NEBL: variants seen among roughly 807,000 people sequenced by gnomAD.
NEBL encodes the protein LIM and SH3 protein 2.
NEBL carries 122 observed loss-of-function variants against 140.2 expected under a neutral mutation model. That is an observed-to-expected ratio of 0.87 (90% confidence interval 0.75 to 1.01). The LOEUF (loss-of-function observed/expected upper bound fraction) is 1.01, where lower values mean the gene tolerates loss of function less well. Ranked by LOEUF, NEBL falls within the 50% of genes least tolerant of loss-of-function variation. The pLI, the probability that NEBL is intolerant of heterozygous loss-of-function variation, is 0.00. For synonymous variants in NEBL, 436 were observed against 398.9 expected, an observed-to-expected ratio of 1.09 and a Z score of -1.11; for missense variants, 1,365 against 1,231.3, an observed-to-expected ratio of 1.11 and a Z score of -1.62.
intron 2 of NEBL, chr10:21,070,050 A>C (rs1480209424): frequency 4.4e-6 from 2 of 455,274 alleles, no homozygotes; most frequent in Non-Finnish European, 8.8e-6. Flanking sequence ...CTCCACACAA[A>C]GCCTCACACT....
At chr10:20,952,934 AAAAAGAAAAG>A (rs1162097594) in intron 4 of NEBL, among the ~76,000 whole-genome samples, 13 of 151,190 alleles carry the variant, frequency 8.6e-5, no homozygotes, top group African/African-American at 2.9e-4. Flanking sequence ...AAGAAAAAGA[AAAAAGAAAAG>A]AAAAGAAAAG....
At chr10:21,285,169 A>G (rs1408055928) in intron 1 of NEBL, among the ~76,000 whole-genome samples, 1 of 152,196 alleles carries the variant, frequency 6.6e-6, no homozygotes, top group Non-Finnish European at 1.5e-5. Context: ...CGAAGGACAG[A>G]TTCATGGTTA....
chr10:21,076,004 T>C (rs1436513947), intron 2 of NEBL, among the ~76,000 whole-genome samples: 2 of 152,036 alleles, frequency 1.3e-5, no homozygotes, highest in African/African-American at 4.8e-5. Flanking sequence ...CACATTACGA[T>C]GGTCATGATT....
intron 7 of NEBL, among the ~76,000 whole-genome samples, chr10:20,863,697 T>C (rs957671525): frequency 6.6e-6 from 1 of 151,376 alleles, no homozygotes; most frequent in South Asian, 2.1e-4. Context: ...TAATCTGTTT[T>C]CCCATAATAG....
chr10:21,194,837 A>G (rs1329741066), intron 3 of NEBL, among the ~76,000 whole-genome samples: 1 of 151,918 alleles, frequency 6.6e-6, no homozygotes, highest in Non-Finnish European at 1.5e-5. Flanking sequence ...TGCCGCAAAA[A>G]AATACTAATA....
intron 3 of NEBL, among the ~76,000 whole-genome samples, chr10:21,229,258 T>G (rs1842212026): frequency 6.6e-6 from 1 of 152,076 alleles, no homozygotes; most frequent in Non-Finnish European, 1.5e-5. Flanking sequence ...CTACCTCTAC[T>G]AAAAATATAA....
At chr10:21,157,378 T>A (rs553687646) in intron 2 of NEBL, among the ~76,000 whole-genome samples, 11 of 152,130 alleles carry the variant, frequency 7.2e-5, no homozygotes, top group Non-Finnish European at 1.5e-4. Flanking sequence ...AAGACCAGCC[T>A]GGGCAACATG....
chr10:20,922,862 A>G (rs1833660236), intron 4 of NEBL, among the ~76,000 whole-genome samples: 1 of 152,214 alleles, frequency 6.6e-6, no homozygotes, highest in Non-Finnish European at 1.5e-5. Flanking sequence ...TTTGTGCTAG[A>G]CAGATTCTGA....
rs1459210958 is a variant in NEBL at position 20,815,792 on chromosome 10, A to G, written c.2149-75T>C. The G allele has an allele frequency of 2.8e-4, 302 of 1,089,480 alleles. 2 individuals carry two copies. The Middle Eastern group carries it at 3.2e-3, about 11-fold the overall frequency. 67.5% of individuals were successfully genotyped at this position (1,089,480 alleles called of 1,614,324 possible). On this transcript the variant is annotated intron_variant, in intron 21 of 27. Coordinates refer to ENST00000377122, the MANE Select transcript of NEBL (RefSeq NM_006393.3). ...AGAGACTTATTTATTTATTTAAGAC[A>G]GGGTCTTGCTCTGTCACCCAGGCTG...
In NEBL at chr10:20,859,773, G is replaced by A. The variant is rs778455217; in HGVS notation, c.738C>T (p.Tyr246=). Residue 246 remains tyrosine, a synonymous_variant, in exon 8 of 28, where the codon TAC becomes TAT. Coordinates refer to ENST00000377122, the MANE Select transcript of NEBL (RefSeq NM_006393.3). ...TAAAAGAAGCACTTTCAAGAGGATTGTAATGATGTTTCTTATCCTTCATTT... is the reference window on the plus strand; with the variant it reads ...TAAAAGAAGCACTTTCAAGAGGATTATAATGATGTTTCTTATCCTTCATTT... ...DNEMKDKKHH[Y]NPLESASFRQ... The A allele has an allele frequency of 1.9e-5, 31 of 1,603,170 alleles. No individual in the cohort carries two copies. The Admixed American group carries it at 5.2e-4, about 27-fold the overall frequency.
chr10:21,098,132 C>T (rs77974098), intron 2 of NEBL, among the ~76,000 whole-genome samples: 3,452 of 152,158 alleles, frequency 0.023, 135 homozygotes, highest in African/African-American at 0.075. Flanking sequence ...GAATTTATAA[C>T]AGCAATAGGG....
At chr10:20,953,834 A>T (rs1013999693) in intron 4 of NEBL, among the ~76,000 whole-genome samples, 1 of 152,114 alleles carries the variant, frequency 6.6e-6, no homozygotes, top group Non-Finnish European at 1.5e-5. Flanking sequence ...AATATTTTAC[A>T]TATTATTACC....
chr10:20,841,152 A>G (rs1260458190), intron 12 of NEBL, among the ~76,000 whole-genome samples: 1 of 152,114 alleles, frequency 6.6e-6, no homozygotes, highest in Non-Finnish European at 1.5e-5. Context: ...TCTTAAGAAC[A>G]CGTGTTCCTT....
At chr10:21,056,757 C>A (rs116176285) in intron 2 of NEBL, among the ~76,000 whole-genome samples, 141 of 152,104 alleles carry the variant, frequency 9.3e-4, no homozygotes, top group African/African-American at 3.3e-3. Context: ...CAAAATACTG[C>A]GAGAAAGAAA....
At chr10:21,010,948 T>C (rs1164752512) in intron 3 of NEBL, among the ~76,000 whole-genome samples, 1 of 152,210 alleles carries the variant, frequency 6.6e-6, no homozygotes, top group Non-Finnish European at 1.5e-5. Context: ...CTTCAGCCAA[T>C]ATCTGAGACC....
chr10:20,820,302 T>C (rs971418537), intron 19 of NEBL, among the ~76,000 whole-genome samples: 4 of 152,206 alleles, frequency 2.6e-5, no homozygotes, highest in Non-Finnish European at 5.9e-5. Flanking sequence ...CCATTGTTTG[T>C]GGTCATCTTT....
intron 3 of NEBL, among the ~76,000 whole-genome samples, chr10:21,000,081 C>T (rs370948558): frequency 1.7e-4 from 26 of 151,152 alleles, no homozygotes; most frequent in East Asian, 9.8e-4. Flanking sequence ...GTTTGGAAGG[C>T]GGCCCGTGGC....
rs192475655 is a variant in NEBL, at chr10:21,048,517, A to C, written c.165-28316T>G. On this transcript the variant is annotated intron_variant, in intron 2 of 6. Coordinates refer to the NEBL transcript ENST00000417816. ...ATAGATTTAGCACCACATGAGTTTTAAAAATATAAAAGTGGTAAAGATGCA... is the reference window on the plus strand; with the variant it reads ...ATAGATTTAGCACCACATGAGTTTTCAAAATATAAAAGTGGTAAAGATGCA... Among the ~76,000 whole-genome samples, 77 of 151,256 alleles carry C rather than the reference A, an allele frequency of 5.1e-4. 3 individuals are homozygous for C. The highest frequency in any genetic ancestry group is 4.7e-3 in the Admixed American group (71 of 15,138).
intron 2 of NEBL, among the ~76,000 whole-genome samples, chr10:21,076,444 CAAAAAAAAAAA>C (rs56013237): frequency 0.017 from 856 of 50,100 alleles, 15 homozygotes; most frequent in Middle Eastern, 0.042. Context: ...GACTCAGTTT[CAAAAAAAAAAA>C]AAAAAAAAAA....
Sources: gnomAD v4.1 joint callset for allele counts (sites outside exome capture counted in the v4.1 genomes callset) on GRCh38, gnomAD v4.1.1 for gene constraint, MANE v1.5 for transcripts, NCBI Gene and HGNC (gene_info 2026-07-23, HGNC 2026-07-21) for gene names.